Variants in NOX4 observed in about 807,000 individuals in gnomAD.
NOX4 encodes the protein kidney oxidase-1.
In NOX4, 69 loss-of-function variants were observed where a neutral mutation model predicts 87.6. The ratio of observed to expected loss-of-function variants is 0.79; its 90% CI spans 0.65 to 0.96. NOX4 has a LOEUF of 0.96. Ranked by LOEUF, NOX4 falls within the 40% of genes least tolerant of loss-of-function variation. NOX4 has a pLI of 0.00. For synonymous variants in NOX4, 275 were observed against 238.2 expected, an observed-to-expected ratio of 1.15 and a Z score of -1.42; for missense variants, 680 against 681.5, an observed-to-expected ratio of 1.00 and a Z score of 0.02.
At chr11:89,559,313 C>G in the NOX4 span, among the ~76,000 whole-genome samples, 1 of 152,042 alleles carries the variant, frequency 6.6e-6, no homozygotes, top group African/African-American at 2.4e-5. Flanking sequence ...AGGAAGGAGT[C>G]TATTTTAAAT....
At chr11:89,380,676 A>C (rs750285434) in intron 11 of NOX4, among the ~76,000 whole-genome samples, 4 of 152,172 alleles carry the variant, frequency 2.6e-5, no homozygotes, top group Non-Finnish European at 4.4e-5. Flanking sequence ...TTAGACACTA[A>C]GGGAATATTT....
At chr11:89,455,962 C>T (rs534383125) in intron 2 of NOX4, among the ~76,000 whole-genome samples, 2 of 151,984 alleles carry the variant, frequency 1.3e-5, no homozygotes, top group African/African-American at 4.8e-5. Flanking sequence ...TTAACAGGTA[C>T]ATGAACACAG....
chr11:89,554,493 T>C, the NOX4 span, among the ~76,000 whole-genome samples: 1 of 152,122 alleles, frequency 6.6e-6, no homozygotes, highest in Non-Finnish European at 1.5e-5. Flanking sequence ...GATCTTTTAT[T>C]TTCACATAAT....
At chr11:89,552,249 G>A in the NOX4 span, among the ~76,000 whole-genome samples, 129 of 152,268 alleles carry the variant, frequency 8.5e-4, 1 homozygote, top group African/African-American at 3.1e-3. Context: ...GAAGAATCAT[G>A]TAACTGTTGA....
chr11:89,358,386 C>CAAAAAAAAAAAAAAAAAAAAA (rs10558391), intron 12 of NOX4, among the ~76,000 whole-genome samples: 6 of 78,162 alleles, frequency 7.7e-5, no homozygotes, highest in Admixed American at 1.4e-4. Flanking sequence ...AACTTAATCT[C>CAAAAAAAAAAAAAAAAAAAAA]AAAAAAAAAA....
intron 7 of NOX4, among the ~76,000 whole-genome samples, chr11:89,426,246 T>A (rs950063614): frequency 2.0e-5 from 3 of 151,834 alleles, no homozygotes; most frequent in African/African-American, 7.3e-5. Context: ...TTAACAAAGG[T>A]TCCAAAATGG....
the NOX4 span, among the ~76,000 whole-genome samples, chr11:89,561,594 C>T: frequency 6.6e-6 from 1 of 152,264 alleles, no homozygotes; most frequent in South Asian, 2.1e-4. Flanking sequence ...ACTTTAATTT[C>T]CTCATGTGGA....
chr11:89,457,785 CCAGATCATA>C (rs758216162), intron 2 of NOX4, among the ~76,000 whole-genome samples: 3,279 of 152,238 alleles, frequency 0.022, 108 homozygotes, highest in African/African-American at 0.069. Flanking sequence ...AGAGCCAAAT[CCAGATCATA>C]ATCCCATTCA....
the NOX4 span, among the ~76,000 whole-genome samples, chr11:89,558,206 G>A: frequency 6.6e-6 from 1 of 152,088 alleles, no homozygotes; most frequent in Non-Finnish European, 1.5e-5. Flanking sequence ...TTAGCTCAGA[G>A]TCGATGCCCT....
At chr11:89,569,743 C>T in the NOX4 span, among the ~76,000 whole-genome samples, 21 of 152,224 alleles carry the variant, frequency 1.4e-4, no homozygotes, top group Admixed American at 1.2e-3. Context: ...GTGGCTCACA[C>T]CTGTAATCCC....
chr11:89,373,626 C>T (rs551127882), intron 11 of NOX4, 134 bp from the exon 12 acceptor site: 4 of 590,704 alleles, frequency 6.8e-6, no homozygotes, highest in African/African-American at 1.9e-5. Flanking sequence ...AAAATCTATA[C>T]AGATCCTTAT....
the NOX4 span, among the ~76,000 whole-genome samples, chr11:89,567,688 T>C: frequency 6.6e-6 from 1 of 152,180 alleles, no homozygotes; most frequent in Non-Finnish European, 1.5e-5. Flanking sequence ...ACCACTCCCA[T>C]GATCTAATCA....
chr11:89,469,774 G>A (rs113325513), intron 2 of NOX4, among the ~76,000 whole-genome samples: 2,247 of 152,208 alleles, frequency 0.015, 57 homozygotes, highest in African/African-American at 0.051. Flanking sequence ...TGCTTATACT[G>A]TTACCCAATC....
intron 11 of NOX4, among the ~76,000 whole-genome samples, chr11:89,388,473 T>C (rs1381955154): frequency 6.6e-6 from 1 of 152,178 alleles, no homozygotes; most frequent in Non-Finnish European, 1.5e-5. Flanking sequence ...CACTATAAGC[T>C]ATCATTTCAT....
the NOX4 span, among the ~76,000 whole-genome samples, chr11:89,506,818 A>G: frequency 6.6e-6 from 1 of 151,964 alleles, no homozygotes; most frequent in Admixed American, 6.6e-5. Context: ...AGGCAAACAT[A>G]ACTAAACACC....
chr11:89,436,341 T>C (rs1944081320), intron 6 of NOX4, among the ~76,000 whole-genome samples: 1 of 152,130 alleles, frequency 6.6e-6, no homozygotes, highest in African/African-American at 2.4e-5. Flanking sequence ...ATTAGCCTTA[T>C]TACAACACAT....
chr11:89,543,680 A>G, the NOX4 span, among the ~76,000 whole-genome samples: 1 of 152,118 alleles, frequency 6.6e-6, no homozygotes, highest in Non-Finnish European at 1.5e-5. Context: ...AATTTATATA[A>G]GAAGTATAGT....
At chr11:89,436,643 A>G (rs1266855515) in intron 6 of NOX4, among the ~76,000 whole-genome samples, 1 of 152,100 alleles carries the variant, frequency 6.6e-6, no homozygotes, top group Non-Finnish European at 1.5e-5. Context: ...CCATACCCAG[A>G]TGTGGTCAGA....
rs1237351174 is a variant in NOX4 at position 89,443,925 on chromosome 11, T to C, written c.447+210A>G. 3 of 508,518 alleles carry C rather than the reference T, an allele frequency of 5.9e-6. No individual in the cohort carries two copies. The Admixed American group carries it at 9.9e-5, about 17-fold the overall frequency. 31.5% of individuals were successfully genotyped at this position (508,518 alleles called of 1,614,324 possible). On this transcript the variant is annotated intron_variant, in intron 5 of 17. Coordinates refer to ENST00000263317, the MANE Select transcript of NOX4 (RefSeq NM_016931.5). ...AACATTGCAATATAAAAAGTAGACA[T>C]TCTACCAACTCTCACTTTCAGCAGG...
Sources: allele counts gnomAD v4.1 joint callset (sites outside exome capture counted in the v4.1 genomes callset), GRCh38; gene constraint gnomAD v4.1.1; transcripts MANE v1.5; gene names NCBI Gene and HGNC (gene_info 2026-07-23, HGNC 2026-07-21).